The following ARL15 variants were observed in gnomAD, a reference collection of about 807,000 sequenced individuals.
ARL15 encodes the protein ARF like GTPase 15.
Under a neutral mutation model 25.2 loss-of-function variants are expected in ARL15, and 19 were observed. The observed-to-expected ratio is 0.75, with a 90% CI of 0.53 to 1.10. The LOEUF is 1.10. Ranked by LOEUF, ARL15 falls within the 50% of genes least tolerant of loss-of-function variation. ARL15 has a pLI of 0.00. For synonymous variants in ARL15, 94 were observed against 86.8 expected, an observed-to-expected ratio of 1.08 and a Z score of -0.46; for missense variants, 220 against 246.0, an observed-to-expected ratio of 0.89 and a Z score of 0.71.
At chr5:53,964,421 G>A (rs1387734031) in intron 4 of ARL15, among the ~76,000 whole-genome samples, 6 of 151,986 alleles carry the variant, frequency 3.9e-5, no homozygotes, top group Non-Finnish European at 8.8e-5. Flanking sequence ...GTGCAGTGGC[G>A]TGATCTCGGC....
intron 1 of ARL15, among the ~76,000 whole-genome samples, chr5:54,257,087 C>A (rs1757389862): frequency 6.6e-6 from 1 of 152,146 alleles, no homozygotes; most frequent in African/African-American, 2.4e-5. Context: ...GAAGTCCTAG[C>A]CAGGGCAATC....
intron 4 of ARL15, among the ~76,000 whole-genome samples, chr5:54,014,750 T>A (rs144929987): frequency 0.034 from 5,173 of 151,830 alleles, 103 homozygotes; most frequent in Non-Finnish European, 0.056. Flanking sequence ...GGTCTCAAAC[T>A]CCTGACCTCA....
chr5:54,289,822 G>C (rs973689936), intron 1 of ARL15, among the ~76,000 whole-genome samples: 4 of 152,138 alleles, frequency 2.6e-5, no homozygotes, highest in African/African-American at 7.2e-5. Flanking sequence ...CTTCAGATTT[G>C]TATTTTGTTT....
At chr5:54,285,444 C>T (rs1758159224) in intron 1 of ARL15, 1 of 485,452 alleles carries the variant, frequency 2.1e-6, no homozygotes, top group African/African-American at 2.1e-5. Flanking sequence ...ATTTACTATA[C>T]AGTCCAAAAA....
At chr5:53,994,677 C>T (rs898721637) in intron 4 of ARL15, among the ~76,000 whole-genome samples, 5 of 152,170 alleles carry the variant, frequency 3.3e-5, no homozygotes, top group African/African-American at 1.2e-4. Context: ...AGACCACCAA[C>T]AGTGAAGATG....
At chr5:53,974,691 A>T (rs1463706660) in intron 4 of ARL15, among the ~76,000 whole-genome samples, 1 of 152,258 alleles carries the variant, frequency 6.6e-6, no homozygotes, top group Non-Finnish European at 1.5e-5. Context: ...AACAAAAACT[A>T]TGTCCTTATA....
chr5:54,005,016 A>G (rs1748978308), intron 4 of ARL15, among the ~76,000 whole-genome samples: 1 of 146,008 alleles, frequency 6.8e-6, no homozygotes. Context: ...TTTGAATAAT[A>G]GTTATTATTA....
chr5:54,217,539 T>C (rs1756243767), intron 1 of ARL15, among the ~76,000 whole-genome samples: 1 of 152,138 alleles, frequency 6.6e-6, no homozygotes, highest in Non-Finnish European at 1.5e-5. Flanking sequence ...ATAAAAACTG[T>C]AGAGATATTA....
At chr5:54,084,191 T>A (rs978195418) in intron 4 of ARL15, among the ~76,000 whole-genome samples, 11 of 152,122 alleles carry the variant, frequency 7.2e-5, no homozygotes, top group Admixed American at 6.5e-4. Context: ...CCTTAGCCAG[T>A]GGGCTTGGCA....
intron 3 of ARL15, among the ~76,000 whole-genome samples, chr5:54,125,462 C>T (rs928006682): frequency 6.6e-6 from 1 of 152,152 alleles, no homozygotes; most frequent in Non-Finnish European, 1.5e-5. Context: ...ACGCTGCCCC[C>T]ACAAGGAAAT....
At chr5:53,928,495 C>A (rs1017781779) in intron 4 of ARL15, among the ~76,000 whole-genome samples, 15 of 152,114 alleles carry the variant, frequency 9.9e-5, no homozygotes, top group Non-Finnish European at 1.8e-4. Flanking sequence ...AGAGGCTTTG[C>A]CAAATACCCT....
intron 1 of ARL15, among the ~76,000 whole-genome samples, chr5:54,207,973 A>G (rs1755918149): frequency 6.6e-6 from 1 of 152,218 alleles, no homozygotes; most frequent in African/African-American, 2.4e-5. Flanking sequence ...AGTATTGTAC[A>G]GAAAAGGAGA....
chr5:54,104,576 C>T (rs1182898910), intron 4 of ARL15, among the ~76,000 whole-genome samples: 1 of 151,988 alleles, frequency 6.6e-6, no homozygotes, highest in East Asian at 1.9e-4. Context: ...TTTATAACTT[C>T]CCAAAGATAT....
intron 4 of ARL15, among the ~76,000 whole-genome samples, chr5:53,920,651 T>TA (rs1554026546): frequency 2.1e-5 from 3 of 141,160 alleles, no homozygotes; most frequent in Non-Finnish European, 3.1e-5. Context: ...TATTAAAAAA[T>TA]AATAAATAAA....
At chr5:54,272,762 A>G (rs537908656) in intron 1 of ARL15, among the ~76,000 whole-genome samples, 47 of 152,336 alleles carry the variant, frequency 3.1e-4, no homozygotes, top group African/African-American at 1.1e-3. Flanking sequence ...TACAGTCAGA[A>G]GGTAAAAATT....
chr5:54,094,389 A>C (rs1389500496), intron 4 of ARL15, among the ~76,000 whole-genome samples: 1 of 152,076 alleles, frequency 6.6e-6, no homozygotes, highest in Non-Finnish European at 1.5e-5. Context: ...ATTAGGAATA[A>C]AACATGGAAA....
intron 1 of ARL15, among the ~76,000 whole-genome samples, chr5:54,214,883 G>A (rs1231480692): frequency 6.6e-6 from 1 of 152,102 alleles, no homozygotes; most frequent in Non-Finnish European, 1.5e-5. Flanking sequence ...GGCCAGACTT[G>A]GGAAAACATT....
intron 1 of ARL15, among the ~76,000 whole-genome samples, chr5:54,276,666 T>C (rs899254593): frequency 1.3e-5 from 2 of 152,196 alleles, no homozygotes; most frequent in Non-Finnish European, 2.9e-5. Flanking sequence ...AAAAGGAACT[T>C]TGCAGATATG....
intron 4 of ARL15, among the ~76,000 whole-genome samples, chr5:54,000,525 T>C (rs936493712): frequency 1.3e-5 from 2 of 152,164 alleles, no homozygotes; most frequent in African/African-American, 4.8e-5. Flanking sequence ...AGATGTGTCA[T>C]AAATATTAAG....
Sources: allele counts gnomAD v4.1 joint callset (sites outside exome capture counted in the v4.1 genomes callset), GRCh38; gene constraint gnomAD v4.1.1; transcripts MANE v1.5; gene names NCBI Gene and HGNC (gene_info 2026-07-23, HGNC 2026-07-21).